The following SAMD12 variants were observed in gnomAD, a reference collection of about 807,000 sequenced individuals.
SAMD12 encodes sterile alpha motif domain-containing protein 12.
SAMD12 carries 9 observed loss-of-function variants against 15.0 expected under a neutral mutation model. The ratio of observed to expected loss-of-function variants is 0.60; its 90% CI spans 0.36 to 1.05. The LOEUF is 1.05. SAMD12 is among the 50% of genes least tolerant of loss of function. SAMD12 has a pLI of 0.01. For synonymous variants in SAMD12, 86 were observed against 90.1 expected, an observed-to-expected ratio of 0.96 and a Z score of 0.25; for missense variants, 230 against 234.2, an observed-to-expected ratio of 0.98 and a Z score of 0.12.
intron 2 of SAMD12, among the ~76,000 whole-genome samples, chr8:118,500,211 T>C (rs747786782): frequency 6.6e-6 from 1 of 151,266 alleles, no homozygotes. Flanking sequence ...CCCGAGTAGC[T>C]GGGATTACAG....
rs1334734251 is a variant in SAMD12 at position 118,621,832 on chromosome 8, C to G, written c.-16G>C. On this transcript the variant is annotated 5_prime_UTR_variant, in exon 1 of 4. An upstream open reading frame in the 5' UTR loses its in-frame stop. Transcript: ENST00000314727. ...CCACAGCCATTCTCTCAGAGCTTCC[C>G]TAACGCATGCATAATTTTCTTGGCC... 6.2e-7 allele frequency: 1 copy of G among 1,613,978 alleles called. No homozygotes were observed. Among genetic ancestry groups the G allele is most frequent in the Non-Finnish European group, 8.5e-7 (1 of 1,179,936 alleles).
chr8:118,537,572 G>A (rs886932384), intron 2 of SAMD12, among the ~76,000 whole-genome samples: 24 of 152,096 alleles, frequency 1.6e-4, no homozygotes, highest in African/African-American at 5.8e-4. Flanking sequence ...GGACACTGAT[G>A]CATTCTTCAG....
intron 1 of SAMD12, among the ~76,000 whole-genome samples, chr8:118,596,886 C>T (rs1475607761): frequency 3.3e-5 from 5 of 152,168 alleles, no homozygotes; most frequent in Non-Finnish European, 7.3e-5. Context: ...TGTAAAACTG[C>T]ACACAGAGCA....
At chr8:118,198,770 T>A (rs1271962128) in intron 4 of SAMD12, among the ~76,000 whole-genome samples, 1 of 152,228 alleles carries the variant, frequency 6.6e-6, no homozygotes, top group Non-Finnish European at 1.5e-5. Context: ...GAAAGCAGAA[T>A]ACTATTATTG....
intron 3 of SAMD12, among the ~76,000 whole-genome samples, chr8:118,414,753 G>A (rs893611484): frequency 7.9e-5 from 12 of 152,208 alleles, no homozygotes; most frequent in African/African-American, 1.7e-4. Context: ...AACCCTATCC[G>A]CAAAGAATTT....
intron 4 of SAMD12, among the ~76,000 whole-genome samples, chr8:118,234,724 A>AG (rs1340835758): frequency 6.6e-6 from 1 of 151,648 alleles, no homozygotes; most frequent in East Asian, 1.9e-4. Flanking sequence ...AAAAAAAAAA[A>AG]AAAAAGAAAT....
chr8:118,582,597 G>C (rs2131262313), intron 1 of SAMD12, among the ~76,000 whole-genome samples: 1 of 152,136 alleles, frequency 6.6e-6, no homozygotes, highest in South Asian at 2.1e-4. Flanking sequence ...CCTCCCTTTT[G>C]GGCTTTGTTC....
intron 4 of SAMD12, among the ~76,000 whole-genome samples, chr8:118,260,784 C>G (rs1395446439): frequency 1.3e-5 from 2 of 152,102 alleles, no homozygotes; most frequent in African/African-American, 4.8e-5. Context: ...TGGTCTCTCT[C>G]CAGGTCGAAG....
chr8:118,367,989 GA>G (rs1436144135), intron 4 of SAMD12, among the ~76,000 whole-genome samples: 2 of 152,158 alleles, frequency 1.3e-5, no homozygotes, highest in African/African-American at 4.8e-5. Flanking sequence ...TGCTAATCAG[GA>G]TATACATCTC....
At chr8:118,373,941 T>G (rs1203512516), downstream of SAMD12, among the ~76,000 whole-genome samples, 1 of 152,154 alleles carries the variant, frequency 6.6e-6, no homozygotes, top group Non-Finnish European at 1.5e-5. Flanking sequence ...GCTTGCATTT[T>G]TTTACTTCGT....
At chr8:118,423,680 G>T (rs1332647111) in intron 3 of SAMD12, among the ~76,000 whole-genome samples, 2 of 144,086 alleles carry the variant, frequency 1.4e-5, no homozygotes, top group Non-Finnish European at 3.0e-5. Context: ...CATGAGCTTT[G>T]GATTCAGACA....
intron 2 of SAMD12, among the ~76,000 whole-genome samples, chr8:118,483,955 G>A (rs1182564539): frequency 6.6e-6 from 1 of 152,174 alleles, no homozygotes; most frequent in Non-Finnish European, 1.5e-5. Flanking sequence ...AATGTTCTCA[G>A]TACTAGGTGC....
rs563838565 is a variant in SAMD12 at position 118,386,571 on chromosome 8, G to A, written c.323-6871C>T. 1.9e-3 allele frequency among the ~76,000 whole-genome samples: 283 copies of A among 152,278 alleles called. 3 individuals are homozygous for A. The highest frequency in any genetic ancestry group is 0.01 in the Middle Eastern group (3 of 294). On this transcript the variant is annotated intron_variant, in intron 3 of 3. Transcript: ENST00000314727. Reference sequence around the variant, plus strand: ...TTATTCAGCCTATCACAGCTGAAAGGAACATTTGAGTTTCTGACTACGGCA... The same window carrying A: ...TTATTCAGCCTATCACAGCTGAAAGAAACATTTGAGTTTCTGACTACGGCA...
intron 1 of SAMD12, among the ~76,000 whole-genome samples, chr8:118,605,765 AATATATAT>A (rs55785102): frequency 7.8e-6 from 1 of 127,592 alleles, no homozygotes; most frequent in African/African-American, 2.9e-5. Context: ...AACCCATCAC[AATATATAT>A]ATATATATAT....
the SAMD12 span, among the ~76,000 whole-genome samples, chr8:118,178,562 T>C: frequency 6.6e-6 from 1 of 152,034 alleles, no homozygotes; most frequent in Non-Finnish European, 1.5e-5. Context: ...ACCCCCTGGG[T>C]TCAAGTGATT....
the SAMD12 span, among the ~76,000 whole-genome samples, chr8:118,143,863 T>C: frequency 6.6e-6 from 1 of 152,228 alleles, no homozygotes; most frequent in African/African-American, 2.4e-5. Context: ...CTTGTTTATT[T>C]ACTCCCTTGT....
chr8:118,450,275 A>C (rs534054939), intron 2 of SAMD12, among the ~76,000 whole-genome samples: 48 of 152,328 alleles, frequency 3.2e-4, no homozygotes, highest in Admixed American at 1.2e-3. Context: ...ACTCAACAGG[A>C]AACAAGACGT....
At chr8:118,250,421 C>T (rs879502968) in intron 4 of SAMD12, among the ~76,000 whole-genome samples, 1 of 152,032 alleles carries the variant, frequency 6.6e-6, no homozygotes, top group Admixed American at 6.6e-5. Context: ...TCAAATAGAA[C>T]CAATCTAAAC....
intron 2 of SAMD12, among the ~76,000 whole-genome samples, chr8:118,459,408 C>T (rs113156524): frequency 6.6e-6 from 1 of 152,138 alleles, no homozygotes; most frequent in Non-Finnish European, 1.5e-5. Context: ...TTTGCAGTTC[C>T]TATTTGCAAT....
Sources: allele counts gnomAD v4.1 joint callset (sites outside exome capture counted in the v4.1 genomes callset), GRCh38; gene constraint gnomAD v4.1.1; transcripts MANE v1.5; gene names NCBI Gene and HGNC (gene_info 2026-07-23, HGNC 2026-07-21).